TASP1: variants seen among roughly 807,000 people sequenced by gnomAD.
TASP1 encodes taspase 1.
TASP1 carries 16 observed loss-of-function variants against 56.6 expected under a neutral mutation model. The ratio of observed to expected loss-of-function variants is 0.28; its 90% confidence interval spans 0.19 to 0.43. TASP1 has a LOEUF of 0.43. Ranked by LOEUF, TASP1 falls within the 20% of genes least tolerant of loss-of-function variation. TASP1 has a pLI of 1.00. For synonymous variants in TASP1, 179 were observed against 184.2 expected (o/e 0.97, Z 0.23); for missense variants, 393 against 511.6 (o/e 0.77, Z 2.24).
chr20:13,310,665 C>T, the TASP1 span, among the ~76,000 whole-genome samples: 5 of 152,228 alleles, frequency 3.3e-5, no homozygotes, highest in East Asian at 1.9e-4. Flanking sequence ...ACTTGCAAAC[C>T]GTACATCTGA....
At chr20:13,193,458 G>A in the TASP1 span, among the ~76,000 whole-genome samples, 1 of 152,188 alleles carries the variant, frequency 6.6e-6, no homozygotes, top group Admixed American at 6.5e-5. Flanking sequence ...ACTGACCTGA[G>A]TCAAGCTACG....
chr20:13,187,159 A>G, the TASP1 span, among the ~76,000 whole-genome samples: 1 of 152,206 alleles, frequency 6.6e-6, no homozygotes, highest in South Asian at 2.1e-4. Flanking sequence ...GAGATAAGTT[A>G]ACAGAAACTT....
At chr20:13,299,303 G>T in the TASP1 span, 1 of 1,613,656 alleles carries the variant, frequency 6.2e-7, no homozygotes, top group South Asian at 1.1e-5. This position sits in a 1 kb window ranked among gnomAD's most constrained non-coding sequence, Gnocchi z 5.8. Flanking sequence ...TCTCCGCGGA[G>T]CTCCACTACA....
At chr20:13,445,397 A>G (rs1321641682) in intron 11 of TASP1, among the ~76,000 whole-genome samples, 1 of 152,196 alleles carries the variant, frequency 6.6e-6, no homozygotes, top group Non-Finnish European at 1.5e-5. Context: ...CATATTTTGA[A>G]ATTCATAAAG....
intron 2 of TASP1, among the ~76,000 whole-genome samples, chr20:13,627,217 G>C (rs115413839): frequency 0.01 from 1,562 of 152,184 alleles, 33 homozygotes; most frequent in African/African-American, 0.036. Context: ...ACAAAAGTTT[G>C]GGCAAGTCTA....
chr20:13,537,376 T>C (rs1788196480), intron 8 of TASP1, among the ~76,000 whole-genome samples: 2 of 152,164 alleles, frequency 1.3e-5, no homozygotes, highest in Non-Finnish European at 2.9e-5. Context: ...AATTAGTTCA[T>C]AGGCTTCACA....
chr20:13,393,815 G>C (rs780716906), intron 13 of TASP1: 1 of 560,140 alleles, frequency 1.8e-6, no homozygotes, highest in Admixed American at 2.9e-5. Context: ...ACCCTGAAGA[G>C]GGAGGGGCCT....
At chr20:13,302,170 A>G in the TASP1 span, among the ~76,000 whole-genome samples, 3 of 152,182 alleles carry the variant, frequency 2.0e-5, no homozygotes, top group Non-Finnish European at 2.9e-5. Flanking sequence ...CTTTCTTACT[A>G]CGGTGAAAAT....
the TASP1 span, among the ~76,000 whole-genome samples, chr20:13,353,308 T>C: frequency 6.6e-6 from 1 of 151,790 alleles, no homozygotes; most frequent in African/African-American, 2.4e-5. Flanking sequence ...AACATTTGAG[T>C]ATCTCCCAGT....
chr20:13,538,517 A>G (rs187212671), intron 8 of TASP1, among the ~76,000 whole-genome samples: 1 of 152,334 alleles, frequency 6.6e-6, no homozygotes, highest in Non-Finnish European at 1.5e-5. Flanking sequence ...CAGGTTTGAG[A>G]GCAGCATTAT....
intron 8 of TASP1, among the ~76,000 whole-genome samples, chr20:13,549,786 T>C (rs948255634): frequency 1.5e-4 from 23 of 152,084 alleles, no homozygotes; most frequent in African/African-American, 5.6e-4. Flanking sequence ...TAAGAAATGT[T>C]CCTTTTTTCC....
At chr20:13,500,540 AT>A (rs1478703846) in intron 10 of TASP1, among the ~76,000 whole-genome samples, 1 of 151,848 alleles carries the variant, frequency 6.6e-6, no homozygotes, top group African/African-American at 2.4e-5. Flanking sequence ...AGTGAAAAAA[AT>A]ATTCCTAAAA....
intron 11 of TASP1, among the ~76,000 whole-genome samples, chr20:13,474,610 C>T (rs1273685114): frequency 6.6e-6 from 1 of 152,146 alleles, no homozygotes; most frequent in East Asian, 1.9e-4. Flanking sequence ...GTGCATGTGT[C>T]TTTTTCTTAT....
At chr20:13,292,594 T>C in the TASP1 span, 10 of 648,960 alleles carry the variant, frequency 1.5e-5, no homozygotes, top group East Asian at 2.7e-5. Context: ...GCTCCCAGCA[T>C]GTGTCTTGCT....
At chr20:13,291,548 A>T in the TASP1 span, among the ~76,000 whole-genome samples, 1 of 151,784 alleles carries the variant, frequency 6.6e-6, no homozygotes, top group Non-Finnish European at 1.5e-5. Context: ...ACAGTGCCTC[A>T]CTCCCTCCTC....
At chr20:13,374,345 C>T in the TASP1 span, among the ~76,000 whole-genome samples, 12 of 130,358 alleles carry the variant, frequency 9.2e-5, no homozygotes, top group Non-Finnish European at 1.3e-4. Flanking sequence ...TTTGCTGTCT[C>T]GTAATTTTTT....
At chr20:13,430,888 G>A (rs957986957) in intron 12 of TASP1, among the ~76,000 whole-genome samples, 2 of 152,178 alleles carry the variant, frequency 1.3e-5, no homozygotes, top group African/African-American at 4.8e-5. Context: ...CTTGGAAGCA[G>A]CCCACTGGAG....
chr20:13,361,317 TCA>T, the TASP1 span, among the ~76,000 whole-genome samples: 1 of 152,206 alleles, frequency 6.6e-6, no homozygotes, highest in Non-Finnish European at 1.5e-5. Flanking sequence ...ACATAATTCC[TCA>T]GTTTAGCCCT....
chr20:13,583,985 A>G (rs939572129), intron 5 of TASP1, among the ~76,000 whole-genome samples: 3 of 152,186 alleles, frequency 2.0e-5, no homozygotes, highest in Non-Finnish European at 4.4e-5. Context: ...AGGCTGAGGC[A>G]GGAGAATCAC....
Sources: allele counts gnomAD v4.1 joint callset (sites outside exome capture counted in the v4.1 genomes callset), GRCh38; gene constraint gnomAD v4.1.1; non-coding constraint Gnocchi (gnomAD v3.1); transcripts MANE v1.5; gene names NCBI Gene and HGNC (gene_info 2026-07-23, HGNC 2026-07-21).